Variants in ADCY8 observed in about 807,000 individuals in gnomAD.
The protein encoded by ADCY8 is adenylate cyclase type 8.
ADCY8 carries 51 observed loss-of-function variants against 119.7 expected under a neutral mutation model. That is an observed-to-expected ratio of 0.43 (90% CI 0.34 to 0.54). The LOEUF (loss-of-function observed/expected upper bound fraction) is 0.54. ADCY8 is among the 20% of genes least tolerant of loss of function. The pLI, the probability that ADCY8 is intolerant of heterozygous loss-of-function variation, is 0.03. For synonymous variants in ADCY8, 665 were observed against 651.0 expected, an observed-to-expected ratio of 1.02 and a Z score of -0.33; for missense variants, 1,383 against 1,598.8, an observed-to-expected ratio of 0.87 and a Z score of 2.30.
intron 9 of ADCY8, among the ~76,000 whole-genome samples, chr8:130,861,287 G>A (rs1817920188): frequency 6.6e-6 from 1 of 152,054 alleles, no homozygotes; most frequent in Admixed American, 6.6e-5. Context: ...GATCAAGTTG[G>A]GAAAAATTAA....
intron 12 of ADCY8, 106 bp downstream of exon 12, chr8:130,836,171 C>G (rs935791593): frequency 1.6e-6 from 2 of 1,230,848 alleles, no homozygotes; most frequent in Non-Finnish European, 2.2e-6. Flanking sequence ...AGTCAATATC[C>G]AATCAGGCCT....
intron 2 of ADCY8, among the ~76,000 whole-genome samples, chr8:130,960,714 CAG>C (rs902936083): frequency 3.7e-4 from 56 of 151,986 alleles, no homozygotes; most frequent in African/African-American, 1.2e-3. Flanking sequence ...TGAATACAAA[CAG>C]GGGAAAATTC....
At chr8:130,803,775 A>G (rs1815856530) in intron 14 of ADCY8, among the ~76,000 whole-genome samples, 1 of 152,232 alleles carries the variant, frequency 6.6e-6, no homozygotes, top group Non-Finnish European at 1.5e-5. Context: ...TGCACTACAC[A>G]TGTGAGTGTG....
intron 15 of ADCY8, among the ~76,000 whole-genome samples, chr8:130,795,562 C>A (rs2130090790): frequency 6.6e-6 from 1 of 152,276 alleles, no homozygotes; most frequent in African/African-American, 2.4e-5. Flanking sequence ...ATTTCTGATT[C>A]TCTAGCTTTT....
intron 4 of ADCY8, among the ~76,000 whole-genome samples, chr8:130,938,191 T>A (rs1159465953): frequency 6.6e-6 from 1 of 152,138 alleles, no homozygotes; most frequent in Admixed American, 6.6e-5. Flanking sequence ...CTACCTAACC[T>A]CTGGCCTTCA....
intron 15 of ADCY8, among the ~76,000 whole-genome samples, chr8:130,799,306 G>A (rs1457296755): frequency 1.3e-5 from 2 of 152,182 alleles, no homozygotes; most frequent in Non-Finnish European, 2.9e-5. Context: ...CAAAAACGTT[G>A]TAAGATGTGA....
intron 12 of ADCY8, 82 bp from the exon 13 acceptor site, chr8:130,821,502 G>A: frequency 1.9e-6 from 2 of 1,039,896 alleles, no homozygotes; most frequent in Admixed American, 2.0e-5. Context: ...GAAAGGAGTG[G>A]TATAAAAAGA....
At position 130,884,652 on chromosome 8, in the gene ADCY8, G is replaced by C. The variant is rs746397481; in HGVS notation, c.2021C>G (p.Thr674Ser). 3 of 1,613,726 alleles carry C rather than the reference G, an allele frequency of 1.9e-6. No individual in the cohort carries two copies. The highest frequency in any genetic ancestry group is 4.5e-5 in the East Asian group (2 of 44,870). Reference protein sequence around the residue: ...PEEINKRIEHTIDLRSGDKLR... With the variant: ...PEEINKRIEHSIDLRSGDKLR... Reference sequence around the variant, plus strand: ...TTTATCGCCACTCCGCAAGTCGATGGTATGTTCTATTCTCTTGTTAATTTC... The same window carrying C: ...TTTATCGCCACTCCGCAAGTCGATGCTATGTTCTATTCTCTTGTTAATTTC... Residue 674 changes from threonine (T) to serine (S), a missense_variant, in exon 8 of 18, where the codon ACC (threonine) becomes AGC (serine). Thr to Ser is a moderately conservative substitution (Grantham distance 58). This residue lies in a region of ADCY8 where 928 missense variants were observed against 1,163.5 expected (regional missense o/e 0.80). Coordinates refer to ENST00000286355, the MANE Select transcript of ADCY8 (RefSeq NM_001115.3).
At chr8:130,853,572 T>C (rs1178816640) in intron 9 of ADCY8, among the ~76,000 whole-genome samples, 1 of 75,346 alleles carries the variant, frequency 1.3e-5, no homozygotes, top group Non-Finnish European at 3.2e-5. Context: ...ATTTGTAAAA[T>C]TGATGTTTTT....
chr8:130,833,166 G>A (rs973941229), intron 12 of ADCY8, among the ~76,000 whole-genome samples: 1 of 152,158 alleles, frequency 6.6e-6, no homozygotes, highest in Non-Finnish European at 1.5e-5. Flanking sequence ...GAATATGGTG[G>A]AATGTTATTC....
chr8:131,028,714 C>T (rs1823899897), intron 1 of ADCY8, among the ~76,000 whole-genome samples: 1 of 152,144 alleles, frequency 6.6e-6, no homozygotes, highest in Non-Finnish European at 1.5e-5. Flanking sequence ...CTTTATGTGA[C>T]AGGTTTTAAG....
intron 2 of ADCY8, among the ~76,000 whole-genome samples, chr8:130,958,453 CT>C (rs1821499399): frequency 6.6e-6 from 1 of 152,122 alleles, no homozygotes; most frequent in Non-Finnish European, 1.5e-5. Context: ...GCATTAGCCT[CT>C]TCTCACGCTG....
At chr8:131,018,236 TC>T (rs1183838584) in intron 1 of ADCY8, among the ~76,000 whole-genome samples, 1 of 152,224 alleles carries the variant, frequency 6.6e-6, no homozygotes, top group Non-Finnish European at 1.5e-5. Context: ...GAGAGGTAGT[TC>T]TTTCCCCTCC....
At chr8:130,985,468 C>A (rs1822374975) in intron 2 of ADCY8, among the ~76,000 whole-genome samples, 1 of 152,046 alleles carries the variant, frequency 6.6e-6, no homozygotes, top group South Asian at 2.1e-4. Flanking sequence ...ACAGATAAGG[C>A]TGAACATGAT....
chr8:130,879,584 C>T (rs1818693611), intron 8 of ADCY8, among the ~76,000 whole-genome samples: 1 of 152,026 alleles, frequency 6.6e-6, no homozygotes, highest in African/African-American at 2.4e-5. Flanking sequence ...CTCTTTCACC[C>T]ACCCCTAGGA....
intron 1 of ADCY8, among the ~76,000 whole-genome samples, chr8:131,033,967 C>T (rs1451263605): frequency 3.3e-5 from 5 of 150,568 alleles, no homozygotes; most frequent in Admixed American, 6.6e-5. Flanking sequence ...GCTGGAAAGC[C>T]GACATTATTT....
intron 14 of ADCY8, among the ~76,000 whole-genome samples, chr8:130,808,872 G>A (rs905677230): frequency 6.8e-6 from 1 of 146,006 alleles, no homozygotes; most frequent in African/African-American, 2.5e-5. Flanking sequence ...TGGGACAGCT[G>A]CCCTTGCTAG....
At chr8:130,835,549 C>T (rs530787633) in intron 12 of ADCY8, among the ~76,000 whole-genome samples, 110 of 152,214 alleles carry the variant, frequency 7.2e-4, no homozygotes, top group Non-Finnish European at 1.1e-3. Flanking sequence ...TTAGCCTTGC[C>T]TTGGGCTGTT....
intron 5 of ADCY8, among the ~76,000 whole-genome samples, chr8:130,936,648 C>T (rs908092942): frequency 1.3e-5 from 2 of 152,200 alleles, no homozygotes; most frequent in Non-Finnish European, 2.9e-5. Flanking sequence ...CCCCAACATC[C>T]TACGTTGAAT....
Sources: gnomAD v4.1 joint callset for allele counts (sites outside exome capture counted in the v4.1 genomes callset) on GRCh38, gnomAD v4.1.1 for gene constraint, gnomAD v4.1.1 regional missense constraint, MANE v1.5 for transcripts, NCBI Gene and HGNC (gene_info 2026-07-23, HGNC 2026-07-21) for gene names.